The following PUS7 variants were observed in gnomAD, a reference collection of about 807,000 sequenced individuals.
PUS7 encodes the protein pseudouridylate synthase 7 homolog.
PUS7 carries 48 observed loss-of-function variants against 79.8 expected under a neutral mutation model. That is an observed-to-expected ratio of 0.60 (90% CI 0.48 to 0.76). The LOEUF (loss-of-function observed/expected upper bound fraction) is 0.76. Ranked by LOEUF, PUS7 falls within the 30% of genes least tolerant of loss-of-function variation. The pLI is 0.00. For synonymous variants in PUS7, 286 were observed against 272.2 expected, an observed-to-expected ratio of 1.05 and a Z score of -0.50; for missense variants, 729 against 797.6, an observed-to-expected ratio of 0.91 and a Z score of 1.04.
intron 1 of PUS7, among the ~76,000 whole-genome samples, chr7:105,521,193 T>A (rs1283550397): frequency 1.3e-5 from 2 of 149,022 alleles, no homozygotes; most frequent in Non-Finnish European, 3.0e-5. Context: ...CCCAGGCCAA[T>A]GGGGCATAGT....
intron 8 of PUS7, 47 bp downstream of exon 8, chr7:105,482,265 G>T: frequency 6.3e-7 from 1 of 1,587,228 alleles, no homozygotes; most frequent in Non-Finnish European, 8.6e-7. Flanking sequence ...TACTCAAGAT[G>T]CCCTGGCCAG....
At chr7:105,496,236 G>GAA (rs1825026017) in intron 5 of PUS7, among the ~76,000 whole-genome samples, 2 of 36,774 alleles carry the variant, frequency 5.4e-5, no homozygotes, top group Admixed American at 7.5e-4. Context: ...TAGAGAGAGA[G>GAA]AGAGAGAGAG....
At chr7:105,520,591 G>A (rs886854590) in intron 1 of PUS7, among the ~76,000 whole-genome samples, 1 of 151,836 alleles carries the variant, frequency 6.6e-6, no homozygotes, top group Non-Finnish European at 1.5e-5. Flanking sequence ...GCATGGTGGC[G>A]TGCACATGTA....
chr7:105,466,415 G>A (rs1163865571), intron 12 of PUS7, among the ~76,000 whole-genome samples: 3 of 151,490 alleles, frequency 2.0e-5, no homozygotes, highest in Non-Finnish European at 4.4e-5. Context: ...GTGCTACTAC[G>A]CCTGGTTAGT....
intron 6 of PUS7, among the ~76,000 whole-genome samples, chr7:105,492,870 C>T (rs1027764816): frequency 6.6e-6 from 1 of 151,800 alleles, no homozygotes; most frequent in Non-Finnish European, 1.5e-5. Flanking sequence ...CTTGAATGCT[C>T]GACCTCAGGT....
At chr7:105,469,402 C>G (rs1586099943) in intron 11 of PUS7, among the ~76,000 whole-genome samples, 1 of 152,024 alleles carries the variant, frequency 6.6e-6, no homozygotes, top group Non-Finnish European at 1.5e-5. Flanking sequence ...GTGATTCTCC[C>G]ACCTCAGCCT....
chr7:105,475,530 G>A (rs1002713317), intron 9 of PUS7, among the ~76,000 whole-genome samples: 9 of 151,816 alleles, frequency 5.9e-5, no homozygotes, highest in African/African-American at 2.2e-4. Flanking sequence ...CACTGTGTTA[G>A]CTAGGATGGT....
chr7:105,485,505 C>T (rs1286951596), intron 7 of PUS7, among the ~76,000 whole-genome samples: 2 of 152,188 alleles, frequency 1.3e-5, no homozygotes, highest in African/African-American at 2.4e-5. Flanking sequence ...CCACCTTGCT[C>T]GGCCTAAGTA....
intron 9 of PUS7, 81 bp from the exon 10 acceptor site, chr7:105,472,274 A>G: frequency 1.2e-6 from 1 of 847,832 alleles, no homozygotes; most frequent in Non-Finnish European, 1.9e-6. Flanking sequence ...AGAGTCAACA[A>G]ATCATATTAA....
intron 8 of PUS7, 101 bp downstream of exon 8, chr7:105,482,208 CTGT>C (rs1824351320): frequency 7.4e-7 from 1 of 1,352,224 alleles, no homozygotes; most frequent in Non-Finnish European, 1.0e-6. Flanking sequence ...CACTCCTGTT[CTGT>C]TAGTACCAGC....
At chr7:105,481,603 A>G (rs1401713687) in intron 8 of PUS7, among the ~76,000 whole-genome samples, 1 of 152,100 alleles carries the variant, frequency 6.6e-6, no homozygotes, top group Non-Finnish European at 1.5e-5. Context: ...TCCAAAATGA[A>G]ACTCTGTACC....
At chr7:105,483,603 C>T (rs534751326) in intron 7 of PUS7, among the ~76,000 whole-genome samples, 1 of 152,212 alleles carries the variant, frequency 6.6e-6, no homozygotes, top group Admixed American at 6.5e-5. Flanking sequence ...AGAGATTCTT[C>T]TGCCTGAGCC....
intron 5 of PUS7, among the ~76,000 whole-genome samples, chr7:105,501,227 C>A (rs1825234253): frequency 6.6e-6 from 1 of 152,126 alleles, no homozygotes; most frequent in South Asian, 2.1e-4. Flanking sequence ...ACTGACAGAG[C>A]CCTAATAAAT....
intron 1 of PUS7, among the ~76,000 whole-genome samples, chr7:105,509,512 C>T (rs1314712764): frequency 1.3e-5 from 2 of 151,926 alleles, no homozygotes; most frequent in Non-Finnish European, 2.9e-5. Context: ...GCTCTTTCAC[C>T]CAGTCTGGTG....
At chr7:105,475,838 T>C (rs928541698) in intron 9 of PUS7, among the ~76,000 whole-genome samples, 4 of 152,102 alleles carry the variant, frequency 2.6e-5, no homozygotes, top group Admixed American at 2.6e-4. Flanking sequence ...CATTAAATAA[T>C]AAATCCCTAT....
chr7:105,487,294 C>T (rs1225378842), intron 7 of PUS7, among the ~76,000 whole-genome samples: 1 of 152,192 alleles, frequency 6.6e-6, no homozygotes, highest in African/African-American at 2.4e-5. Flanking sequence ...CTACTTTCTG[C>T]CTCTATAGAT....
intron 2 of PUS7, among the ~76,000 whole-genome samples, chr7:105,507,635 A>C (rs1297196338): frequency 6.6e-6 from 1 of 151,282 alleles, no homozygotes; most frequent in African/African-American, 2.4e-5. Context: ...TCCACCTCCC[A>C]GGTTCAAGCT....
chr7:105,509,437 A>G (rs138681219), intron 1 of PUS7, among the ~76,000 whole-genome samples: 44 of 152,118 alleles, frequency 2.9e-4, no homozygotes, highest in African/African-American at 9.9e-4. Flanking sequence ...TTAAGAAATA[A>G]TAAAGTTTTA....
In PUS7 at chr7:105,509,299, T is replaced by C. The variant is rs571947544; in HGVS notation, c.-32-755A>G. The stretch of plus-strand genomic sequence containing the variant: ...CATTTATAGAAATAATTCTTCCAGA[T>C]GTTGGCATACACTTTTTGTGGGACA... On this transcript the variant is annotated intron_variant, in intron 1 of 15. Coordinates refer to ENST00000469408, the MANE Select transcript of PUS7 (RefSeq NM_019042.5). Among the ~76,000 whole-genome samples, 6 of 151,704 alleles carry C rather than the reference T, an allele frequency of 4.0e-5. No individual in the cohort carries two copies. In the South Asian group the frequency reaches 6.2e-4, roughly 16 times the overall value.
Sources: allele counts gnomAD v4.1 joint callset (sites outside exome capture counted in the v4.1 genomes callset), GRCh38; gene constraint gnomAD v4.1.1; transcripts MANE v1.5; gene names NCBI Gene and HGNC (gene_info 2026-07-23, HGNC 2026-07-21).